Variants in RANBP17 observed in about 807,000 individuals in gnomAD.
RANBP17 encodes the protein RAN binding protein 17.
A neutral mutation model predicts 141.2 loss-of-function variants in RANBP17; 158 were observed. The observed-to-expected ratio is 1.12, with a 90% confidence interval of 0.98 to 1.28. The LOEUF (loss-of-function observed/expected upper bound fraction) is 1.28. RANBP17 is among the 50% of genes most tolerant of loss of function. The pLI, the probability that RANBP17 is intolerant of heterozygous loss-of-function variation, is 0.00. For synonymous variants in RANBP17, 430 were observed against 450.0 expected (o/e 0.96, Z 0.56); for missense variants, 1,438 against 1,290.7 (o/e 1.11, Z -1.75).
intron 14 of RANBP17, among the ~76,000 whole-genome samples, chr5:171,009,854 C>T (rs2127589393): frequency 6.6e-6 from 1 of 152,126 alleles, no homozygotes; most frequent in East Asian, 1.9e-4. Context: ...GGAGAGTGAT[C>T]AAAAGTAGGT....
At chr5:171,194,960 T>A (rs1761876068) in intron 18 of RANBP17, among the ~76,000 whole-genome samples, 1 of 152,168 alleles carries the variant, frequency 6.6e-6, no homozygotes, top group Non-Finnish European at 1.5e-5. Flanking sequence ...GGAAAAAAAA[T>A]GTTTAGAACT....
chr5:171,173,342 C>G (rs1198759038), intron 16 of RANBP17, among the ~76,000 whole-genome samples: 1 of 151,978 alleles, frequency 6.6e-6, no homozygotes, highest in Non-Finnish European at 1.5e-5. Flanking sequence ...TAGAAACACG[C>G]AAGATCAAAA....
At chr5:171,108,744 G>T (rs1581655010) in intron 14 of RANBP17, among the ~76,000 whole-genome samples, 2 of 152,174 alleles carry the variant, frequency 1.3e-5, no homozygotes, top group Non-Finnish European at 2.9e-5. Context: ...TTTCTATACA[G>T]TATTTCACTC....
chr5:170,862,186 T>G (rs1766844697), intron 1 of RANBP17, 135 bp downstream of exon 1: 2 of 901,356 alleles, frequency 2.2e-6, no homozygotes, highest in Non-Finnish European at 3.0e-6. Context: ...TCCCAGCCCC[T>G]GCCTCTGCCC....
At chr5:171,133,205 TTAAGC>T (rs2127793168) in intron 14 of RANBP17, among the ~76,000 whole-genome samples, 2 of 152,300 alleles carry the variant, frequency 1.3e-5, no homozygotes, top group African/African-American at 4.8e-5. Context: ...TTTTAATAAA[TTAAGC>T]TAACATGTTA....
chr5:171,092,035 G>A (rs982297232), intron 14 of RANBP17, among the ~76,000 whole-genome samples: 8 of 152,142 alleles, frequency 5.3e-5, no homozygotes, highest in Non-Finnish European at 1.0e-4. Flanking sequence ...AATACACTGA[G>A]GGACAACTGT....
At chr5:171,061,285 T>A (rs1370585512) in intron 14 of RANBP17, among the ~76,000 whole-genome samples, 2 of 152,056 alleles carry the variant, frequency 1.3e-5, no homozygotes, top group Non-Finnish European at 2.9e-5. Context: ...TCCTGCTTTC[T>A]CTTGTGGGCA....
intron 27 of RANBP17, among the ~76,000 whole-genome samples, chr5:171,297,631 A>G (rs906712241): frequency 6.6e-6 from 1 of 150,936 alleles, no homozygotes; most frequent in African/African-American, 2.4e-5. Context: ...TGAGAGTTGA[A>G]TGGGGAAGCC....
intron 14 of RANBP17, among the ~76,000 whole-genome samples, chr5:171,106,319 G>A (rs1754830951): frequency 6.6e-6 from 1 of 152,110 alleles, no homozygotes; most frequent in African/African-American, 2.4e-5. Flanking sequence ...TGAAGATGAA[G>A]TGGGAGTTGG....
chr5:171,026,187 G>A (rs1781219445), intron 14 of RANBP17, among the ~76,000 whole-genome samples: 1 of 152,140 alleles, frequency 6.6e-6, no homozygotes, highest in South Asian at 2.1e-4. Flanking sequence ...TGTAATAGCT[G>A]CCATTTATTG....
Position 170,985,022 on chromosome 5 carries a change from TAC to T in RANBP17, c.1710+16653_1710+16654del, listed in dbSNP as rs746855493. Among the ~76,000 whole-genome samples, 20 of 139,540 alleles carry T rather than the reference TAC, an allele frequency of 1.4e-4. No individual in the cohort carries two copies. The East Asian group carries it at 1.6e-3, about 11-fold the overall frequency. 91.5% of individuals were successfully genotyped at this position (139,540 alleles called of 152,430 possible). A position where few individuals can be genotyped will look rare whatever the true frequency, so the allele number is the denominator to read the frequency against. On this transcript the variant is annotated intron_variant, in intron 14 of 27. Transcript: ENST00000523189. ...ACAGACACACAGACACATACACATA[TAC>T]ACACACAGACACACAGGCACACACA...
At chr5:170,982,496 T>C (rs1777844060) in intron 14 of RANBP17, among the ~76,000 whole-genome samples, 1 of 152,094 alleles carries the variant, frequency 6.6e-6, no homozygotes, top group Non-Finnish European at 1.5e-5. Context: ...AGAGAAGAGC[T>C]CTTTGGAATT....
At chr5:170,973,751 G>C (rs2127538441) in intron 14 of RANBP17, among the ~76,000 whole-genome samples, 1 of 152,310 alleles carries the variant, frequency 6.6e-6, no homozygotes, top group East Asian at 1.9e-4. Context: ...TTGAGAGCCT[G>C]AGAAGTTCAA....
intron 22 of RANBP17, among the ~76,000 whole-genome samples, chr5:171,238,700 A>G (rs1298156792): frequency 6.6e-6 from 1 of 152,232 alleles, no homozygotes; most frequent in Admixed American, 6.5e-5. Context: ...GCAAAGGTAG[A>G]AAAACAGTGG....
At chr5:171,292,877 T>C (rs1768578758) in intron 25 of RANBP17, among the ~76,000 whole-genome samples, 1 of 152,194 alleles carries the variant, frequency 6.6e-6, no homozygotes, top group Non-Finnish European at 1.5e-5. Context: ...TCATCTGTGC[T>C]GCAAACATAT....
chr5:171,126,049 G>T (rs1026959681), intron 14 of RANBP17, among the ~76,000 whole-genome samples: 13 of 152,298 alleles, frequency 8.5e-5, no homozygotes, highest in South Asian at 4.1e-4. Context: ...GCCTCCCAAA[G>T]TGCTGGGATT....
intron 14 of RANBP17, among the ~76,000 whole-genome samples, chr5:171,009,133 C>A (rs1779858744): frequency 6.6e-6 from 1 of 152,160 alleles, no homozygotes; most frequent in Admixed American, 6.5e-5. Flanking sequence ...AAGGCTGCAC[C>A]TTGTAGTGGA....
intron 13 of RANBP17, among the ~76,000 whole-genome samples, chr5:170,966,851 G>T (rs2127526466): frequency 6.6e-6 from 1 of 152,046 alleles, no homozygotes; most frequent in South Asian, 2.1e-4. Context: ...CAAAGTCTCA[G>T]GATACAAAAT....
chr5:170,987,509 A>G (rs1266065711), intron 14 of RANBP17, among the ~76,000 whole-genome samples: 3 of 149,518 alleles, frequency 2.0e-5, no homozygotes, highest in Non-Finnish European at 3.0e-5. Flanking sequence ...CTCAATACAT[A>G]TATAATACAT....
Sources: allele counts gnomAD v4.1 joint callset (sites outside exome capture counted in the v4.1 genomes callset), GRCh38; gene constraint gnomAD v4.1.1; transcripts MANE v1.5; gene names NCBI Gene and HGNC (gene_info 2026-07-23, HGNC 2026-07-21).